GRM8: variants seen among roughly 807,000 people sequenced by gnomAD.
The protein encoded by GRM8 is metabotropic glutamate receptor 8.
GRM8 carries 47 observed loss-of-function variants against 87.2 expected under a neutral mutation model. The ratio of observed to expected loss-of-function variants is 0.54; its 90% CI spans 0.43 to 0.69. The LOEUF (loss-of-function observed/expected upper bound fraction) is 0.69. GRM8 is among the 30% of genes least tolerant of loss of function. The pLI, the probability that GRM8 is intolerant of heterozygous loss-of-function variation, is 0.00. For missense variants in GRM8, 1,019 were observed against 1,139.2 expected, an observed-to-expected ratio of 0.89 and a Z score of 1.52; for synonymous variants, 396 against 404.5, an observed-to-expected ratio of 0.98 and a Z score of 0.25.
intron 2 of GRM8, among the ~76,000 whole-genome samples, chr7:127,153,464 G>A (rs1413617134): frequency 6.6e-6 from 1 of 152,152 alleles, no homozygotes; most frequent in Non-Finnish European, 1.5e-5. Context: ...TCTGGAGGAA[G>A]TTGTGATGGT....
At chr7:126,927,006 C>G (rs56742208) in intron 3 of GRM8, among the ~76,000 whole-genome samples, 2,607 of 152,152 alleles carry the variant, frequency 0.017, 69 homozygotes, top group African/African-American at 0.059. Flanking sequence ...GAGTGTGAAC[C>G]CTTAGTAGTG....
At chr7:126,731,919 T>C (rs1585704094) in intron 7 of GRM8, among the ~76,000 whole-genome samples, 1 of 152,160 alleles carries the variant, frequency 6.6e-6, no homozygotes, top group African/African-American at 2.4e-5. Flanking sequence ...GAGATGTTCT[T>C]AAAGCAATAC....
intron 7 of GRM8, among the ~76,000 whole-genome samples, chr7:126,717,363 T>C (rs894657366): frequency 6.6e-6 from 1 of 152,078 alleles, no homozygotes; most frequent in Non-Finnish European, 1.5e-5. Flanking sequence ...GGAGATTTCA[T>C]GTAGCATGCA....
chr7:126,819,049 C>A (rs751191543), intron 6 of GRM8, among the ~76,000 whole-genome samples: 5 of 152,168 alleles, frequency 3.3e-5, no homozygotes, highest in African/African-American at 4.8e-5. Flanking sequence ...TGAACTGCAA[C>A]TAGGGCGGCC....
At chr7:126,564,185 G>C (rs148517667) in intron 8 of GRM8, among the ~76,000 whole-genome samples, 1 of 152,170 alleles carries the variant, frequency 6.6e-6, no homozygotes, top group Non-Finnish European at 1.5e-5. Flanking sequence ...ATCTTTCCTA[G>C]CAAAAGTGTT....
At chr7:127,095,094 G>A (rs1197335268) in intron 3 of GRM8, among the ~76,000 whole-genome samples, 4 of 152,216 alleles carry the variant, frequency 2.6e-5, no homozygotes, top group African/African-American at 9.6e-5. Context: ...AAGTTGACAA[G>A]GAATAGGTAG....
intron 2 of GRM8, among the ~76,000 whole-genome samples, chr7:127,172,843 G>A (rs1189814657): frequency 6.6e-6 from 1 of 152,124 alleles, no homozygotes; most frequent in African/African-American, 2.4e-5. Context: ...TATGTGCTCT[G>A]AGTGCAAACA....
chr7:127,221,284 A>G (rs1796912171), intron 2 of GRM8, among the ~76,000 whole-genome samples: 2 of 152,182 alleles, frequency 1.3e-5, no homozygotes, highest in South Asian at 4.1e-4. Flanking sequence ...CCTGTTACCC[A>G]GGCCAGTGGT....
At chr7:127,009,364 G>C (rs1814646468) in intron 3 of GRM8, among the ~76,000 whole-genome samples, 1 of 152,146 alleles carries the variant, frequency 6.6e-6, no homozygotes, top group Non-Finnish European at 1.5e-5. Context: ...GCTCTTCTGA[G>C]TTTGTTCCAT....
intron 3 of GRM8, among the ~76,000 whole-genome samples, chr7:127,099,535 C>A (rs1224934662): frequency 6.6e-6 from 1 of 152,188 alleles, no homozygotes; most frequent in Non-Finnish European, 1.5e-5. Flanking sequence ...TCACTTACCC[C>A]AGTCTGGAAC....
At position 126,470,705 on chromosome 7, in the gene GRM8, C is replaced by A. The variant is rs1272508185; in HGVS notation, c.2431-24333G>T. Among the ~76,000 whole-genome samples the A allele has an allele frequency of 2.6e-5, 4 of 152,230 alleles. No individual in the cohort carries two copies. The East Asian group carries it at 7.8e-4, about 30-fold the overall frequency. ...ATTTATAGTCCTTTGGGTATATACC[C>A]AGTAATGGGATTACTAGGTCAAATG... is the stretch of plus-strand genomic sequence containing the variant. On this transcript the variant is annotated intron_variant, in intron 9 of 10. Transcript: ENST00000339582.
chr7:126,974,317 C>A (rs985526404), intron 3 of GRM8, among the ~76,000 whole-genome samples: 1 of 151,974 alleles, frequency 6.6e-6, no homozygotes, highest in Non-Finnish European at 1.5e-5. Flanking sequence ...TGGGCATTTG[C>A]GTTAAATAAG....
At chr7:127,216,520 AAAAAAAAAAAAAAAC>A (rs1392633319) in intron 2 of GRM8, among the ~76,000 whole-genome samples, 4 of 147,442 alleles carry the variant, frequency 2.7e-5, no homozygotes, top group South Asian at 2.1e-4. Context: ...TCCGTCTCAA[AAAAAAAAAAAAAAAC>A]AAAAAAAAAA....
At chr7:126,846,480 G>C (rs1047077509) in intron 6 of GRM8, among the ~76,000 whole-genome samples, 6 of 152,202 alleles carry the variant, frequency 3.9e-5, no homozygotes, top group Non-Finnish European at 8.8e-5. Context: ...GTTACTGAAA[G>C]ATATAGCCCA....
chr7:126,470,172 G>A (rs546553307), intron 9 of GRM8, among the ~76,000 whole-genome samples: 9 of 151,932 alleles, frequency 5.9e-5, no homozygotes, highest in Non-Finnish European at 1.0e-4. Context: ...TCTGGCAGAA[G>A]AATTTCTTTT....
chr7:126,714,516 A>C (rs1053455602), intron 7 of GRM8, among the ~76,000 whole-genome samples: 3 of 152,078 alleles, frequency 2.0e-5, no homozygotes, highest in African/African-American at 7.2e-5. Context: ...AAGTGGTGTA[A>C]CCAGAATTTG....
At chr7:126,519,699 A>T (rs1007936927) in intron 9 of GRM8, among the ~76,000 whole-genome samples, 5 of 152,130 alleles carry the variant, frequency 3.3e-5, no homozygotes, top group Non-Finnish European at 7.4e-5. Context: ...CATCTAAAAG[A>T]AGTGACAAAG....
intron 9 of GRM8, among the ~76,000 whole-genome samples, chr7:126,505,865 TC>T (rs1810384567): frequency 6.6e-6 from 1 of 152,046 alleles, no homozygotes; most frequent in Non-Finnish European, 1.5e-5. Flanking sequence ...ACACTTAAGA[TC>T]TACGCTCTTA....
chr7:127,199,289 G>A (rs1181396020), intron 2 of GRM8, among the ~76,000 whole-genome samples: 2 of 152,250 alleles, frequency 1.3e-5, no homozygotes, highest in African/African-American at 4.8e-5. Context: ...TCTGTTTAAA[G>A]ACGATTGCTA....
Sources: gnomAD v4.1 joint callset for allele counts (sites outside exome capture counted in the v4.1 genomes callset) on GRCh38, gnomAD v4.1.1 for gene constraint, MANE v1.5 for transcripts, NCBI Gene and HGNC (gene_info 2026-07-23, HGNC 2026-07-21) for gene names.